STRN3: variants seen among roughly 807,000 people sequenced by gnomAD.
STRN3 encodes striatin-3.
In STRN3, 29 loss-of-function variants were observed where a neutral mutation model predicts 95.6. The observed-to-expected ratio is 0.30, with a 90% CI of 0.23 to 0.41. STRN3 has a LOEUF of 0.41. STRN3 is among the 10% of genes least tolerant of loss of function. The probability of loss-of-function intolerance (pLI) is 1.00; values close to 1 mark genes in which losing one functional copy is unlikely to be tolerated. For synonymous variants in STRN3, 331 were observed against 357.6 expected (o/e 0.93, Z 0.84); for missense variants, 890 against 972.1 (o/e 0.92, Z 1.12).
Position 30,977,975 on chromosome 14 carries a change from C to T in STRN3, c.283-21733G>A, listed in dbSNP as rs533878368. Among the ~76,000 whole-genome samples, 24 of 152,026 alleles carry T rather than the reference C, an allele frequency of 1.6e-4. No individual in the cohort carries two copies. The South Asian group carries it at 4.8e-3, about 30-fold the overall frequency. On this transcript the variant is annotated intron_variant, in intron 1 of 17. Coordinates refer to ENST00000357479, the MANE Select transcript of STRN3 (RefSeq NM_001083893.2). ...AACTTACATAAGGAGCAATAAATGACGTGAATGGATCCATATATACTAAAG... is the reference window on the plus strand; with the variant it reads ...AACTTACATAAGGAGCAATAAATGATGTGAATGGATCCATATATACTAAAG...
At chr14:30,955,909 CTTTTT>C (rs908410046) in intron 2 of STRN3, among the ~76,000 whole-genome samples, 3 of 151,172 alleles carry the variant, frequency 2.0e-5, no homozygotes, top group African/African-American at 7.3e-5. Flanking sequence ...TATCCTTTGT[CTTTTT>C]TTTTAAGTTC....
chr14:30,913,785 C>T (rs1335423744), intron 9 of STRN3, 128 bp from the exon 10 acceptor site: 1 of 1,170,880 alleles, frequency 8.5e-7, no homozygotes, highest in East Asian at 2.4e-5. Context: ...TTTCCCACTT[C>T]TACTCAAAAA....
chr14:30,920,391 CA>C (rs1896850288), intron 8 of STRN3, among the ~76,000 whole-genome samples: 1 of 151,978 alleles, frequency 6.6e-6, no homozygotes, highest in Admixed American at 6.6e-5. Context: ...CTCCAATAAA[CA>C]AAAAACTGTC....
intron 16 of STRN3, among the ~76,000 whole-genome samples, chr14:30,896,935 C>T (rs1222048686): frequency 6.6e-6 from 1 of 152,128 alleles, no homozygotes; most frequent in African/African-American, 2.4e-5. Flanking sequence ...TACTTTGGGG[C>T]AAGGGCATCC....
In STRN3 at chr14:30,934,041, C is replaced by T. The variant is rs950725572; in HGVS notation, c.988+1122G>A. On this transcript the variant is annotated intron_variant, in intron 7 of 17. Coordinates refer to ENST00000357479, the MANE Select transcript of STRN3 (RefSeq NM_001083893.2). ...CTTTGATGTATTAAAATAACCTTCT[C>T]CAGGCCAGGCGCGGTGGTTCATGCC... is the stretch of plus-strand genomic sequence containing the variant. 3.3e-5 allele frequency among the ~76,000 whole-genome samples: 5 copies of T among 152,246 alleles called. No homozygotes were observed. In the East Asian group the frequency reaches 9.6e-4, roughly 29 times the overall value.
chr14:30,950,782 T>C lies in STRN3; in HGVS notation c.542+81A>G, dbSNP rs941888681. The stretch of plus-strand genomic sequence containing the variant: ...AAACATACACATTGTCCCAATATGA[T>C]TTTTTACTTGTAAAGTGATTCAGTA... On this transcript the variant is annotated intron_variant, in intron 4 of 17. Coordinates refer to ENST00000357479, the MANE Select transcript of STRN3 (RefSeq NM_001083893.2). 1.7e-5 allele frequency: 23 copies of C among 1,319,388 alleles called. No homozygotes were observed. The African/African-American group carries it at 3.2e-4, about 19-fold the overall frequency. 81.7% of individuals were successfully genotyped at this position (1,319,388 alleles called of 1,614,324 possible). A position where few individuals can be genotyped will look rare whatever the true frequency, so the allele number is the denominator to read the frequency against.
chr14:30,907,477 A>G (rs1034660594), intron 13 of STRN3, among the ~76,000 whole-genome samples: 1 of 152,082 alleles, frequency 6.6e-6, no homozygotes, highest in African/African-American at 2.4e-5. Flanking sequence ...CCACCTTTCC[A>G]CAAGTCTAGG....
At chr14:30,904,884 T>C (rs556257066) in intron 15 of STRN3, among the ~76,000 whole-genome samples, 22 of 150,012 alleles carry the variant, frequency 1.5e-4, no homozygotes, top group Admixed American at 1.0e-3. Context: ...AGAAGCACAT[T>C]AAATAACACA....
At chr14:30,900,691 G>C (rs1896289212) in intron 16 of STRN3, among the ~76,000 whole-genome samples, 1 of 150,826 alleles carries the variant, frequency 6.6e-6, no homozygotes, top group Admixed American at 6.6e-5. Flanking sequence ...GGAGGTTACA[G>C]TGAGCTGAGA....
chr14:30,926,036 A>G (rs1051756373), intron 8 of STRN3, among the ~76,000 whole-genome samples: 2 of 152,140 alleles, frequency 1.3e-5, no homozygotes, highest in Admixed American at 1.3e-4. Context: ...AGAAAAAAAA[A>G]GAAAGTTTTT....
At chr14:30,970,374 A>G (rs1880765711) in intron 1 of STRN3, among the ~76,000 whole-genome samples, 1 of 152,244 alleles carries the variant, frequency 6.6e-6, no homozygotes, top group South Asian at 2.1e-4. Context: ...TCTGTGGACC[A>G]CTAAAGAGCA....
rs1367334531 is a variant in STRN3 at position 30,943,444 on chromosome 14, T to TA, written c.716+3645dup. 2.6e-5 allele frequency among the ~76,000 whole-genome samples: 4 copies of TA among 152,054 alleles called. No individual in the cohort carries two copies. In the South Asian group the frequency reaches 8.3e-4, roughly 32 times the overall value. ...ATGAGGTCCTGTCTCTACAAAAACT[T>TA]AAAGAATCAGCCAGGTGTGGTGGCA... On this transcript the variant is annotated intron_variant, in intron 5 of 17. Transcript: ENST00000357479.
chr14:30,924,121 T>C (rs1281505984), intron 8 of STRN3, among the ~76,000 whole-genome samples: 1 of 150,780 alleles, frequency 6.6e-6, no homozygotes, highest in Non-Finnish European at 1.5e-5. Context: ...TTCATGACTG[T>C]ACTGTGGTCA....
chr14:30,926,916 C>A (rs544465635), intron 8 of STRN3, among the ~76,000 whole-genome samples: 1 of 152,058 alleles, frequency 6.6e-6, no homozygotes, highest in East Asian at 1.9e-4. Flanking sequence ...AAAATACAAA[C>A]ATATATAAAG....
chr14:30,937,682 G>A (rs1414990912), intron 5 of STRN3, among the ~76,000 whole-genome samples: 1 of 152,186 alleles, frequency 6.6e-6, no homozygotes, highest in Non-Finnish European at 1.5e-5. Flanking sequence ...GCAGCTGCTT[G>A]AATTTGGCCA....
At chr14:30,955,263 A>G (rs1307966221) in intron 3 of STRN3, among the ~76,000 whole-genome samples, 1 of 152,190 alleles carries the variant, frequency 6.6e-6, no homozygotes, top group Non-Finnish European at 1.5e-5. Context: ...AATTTTATGT[A>G]TGGTGTGTGT....
In STRN3 at chr14:30,912,152, T is replaced by G. The variant is rs370862787; in HGVS notation, c.1405A>C (p.Thr469Pro). ...CGTAGTGTATACTTGGGATTCCATG[T>G]CTTTCGAAAGGCATCTTTATTAGCA... is the stretch of plus-strand genomic sequence containing the variant. ...LPANKDAFRK[T>P]WNPKYTLRSH... The change falls in exon 11 of 18, where the codon ACA (threonine) becomes CCA (proline). Residue 469 changes from threonine to proline, a missense_variant. By Grantham distance (38) the Thr-to-Pro change is conservative. Coordinates refer to ENST00000357479, the MANE Select transcript of STRN3 (RefSeq NM_001083893.2). The G allele has an allele frequency of 3.1e-6, 5 of 1,610,440 alleles. No homozygotes were observed. The highest frequency in any genetic ancestry group is 4.2e-6 in the Non-Finnish European group (5 of 1,179,230).
chr14:30,903,253 A>T (rs1896372817), intron 15 of STRN3, among the ~76,000 whole-genome samples: 1 of 152,042 alleles, frequency 6.6e-6, no homozygotes, highest in South Asian at 2.1e-4. Flanking sequence ...TTACACCTAA[A>T]CATATAAAAA....
At chr14:30,975,918 A>AT (rs1388557689) in intron 1 of STRN3, among the ~76,000 whole-genome samples, 5 of 151,990 alleles carry the variant, frequency 3.3e-5, no homozygotes, top group African/African-American at 1.2e-4. Flanking sequence ...TAAAAGAAAC[A>AT]TTTTTAAACT....
Sources: gnomAD v4.1 joint callset for allele counts (sites outside exome capture counted in the v4.1 genomes callset) on GRCh38, gnomAD v4.1.1 for gene constraint, MANE v1.5 for transcripts, NCBI Gene and HGNC (gene_info 2026-07-23, HGNC 2026-07-21) for gene names.